The following TMEM132D variants were observed in gnomAD, a reference collection of about 807,000 sequenced individuals.
TMEM132D encodes mature OL transmembrane protein.
Under a neutral mutation model 62.3 loss-of-function variants are expected in TMEM132D, and 21 were observed. The observed-to-expected ratio is 0.34, with a 90% CI of 0.24 to 0.49. The LOEUF (loss-of-function observed/expected upper bound fraction) is 0.49. TMEM132D is among the 20% of genes least tolerant of loss of function. The pLI, the probability that TMEM132D is intolerant of heterozygous loss-of-function variation, is 0.99. For synonymous variants in TMEM132D, 621 were observed against 575.6 expected, an observed-to-expected ratio of 1.08 and a Z score of -1.13; for missense variants, 1,346 against 1,402.8, an observed-to-expected ratio of 0.96 and a Z score of 0.65.
At chr12:129,321,562 C>T (rs145285623) in intron 4 of TMEM132D, among the ~76,000 whole-genome samples, 1 of 145,854 alleles carries the variant, frequency 6.9e-6, no homozygotes, top group African/African-American at 2.5e-5. Context: ...CAGATCTTTT[C>T]TTTTTTTTTT....
At chr12:129,443,234 G>A (rs1872990894) in intron 3 of TMEM132D, among the ~76,000 whole-genome samples, 1 of 152,176 alleles carries the variant, frequency 6.6e-6, no homozygotes, top group African/African-American at 2.4e-5. Context: ...CTCAGAGCCT[G>A]CTTCCTGCGC....
intron 8 of TMEM132D, 145 bp downstream of exon 8, chr12:129,078,389 A>T: frequency 1.3e-6 from 1 of 742,724 alleles, no homozygotes. Context: ...CACCTGCTTC[A>T]GAAGAGCCCT....
intron 2 of TMEM132D, among the ~76,000 whole-genome samples, chr12:129,695,782 A>G (rs1881192281): frequency 6.6e-6 from 1 of 152,222 alleles, no homozygotes; most frequent in South Asian, 2.1e-4. Context: ...AACGAGAGGA[A>G]CTATTGAAGG....
At chr12:129,608,266 C>T (rs563932176) in intron 2 of TMEM132D, among the ~76,000 whole-genome samples, 1 of 152,152 alleles carries the variant, frequency 6.6e-6, no homozygotes, top group Non-Finnish European at 1.5e-5. Context: ...TATCAAAATA[C>T]CAACTTTTCT....
At chr12:129,398,415 C>A (rs1871496356) in intron 3 of TMEM132D, among the ~76,000 whole-genome samples, 1 of 152,184 alleles carries the variant, frequency 6.6e-6, no homozygotes, top group African/African-American at 2.4e-5. Context: ...GAGCTCTTCC[C>A]TGGGGCTCAC....
At chr12:129,606,607 C>A (rs562331820) in intron 2 of TMEM132D, among the ~76,000 whole-genome samples, 1 of 152,106 alleles carries the variant, frequency 6.6e-6, no homozygotes, top group African/African-American at 2.4e-5. Context: ...TCACTCCAAC[C>A]CCAATACAGG....
intron 2 of TMEM132D, among the ~76,000 whole-genome samples, chr12:129,677,308 C>G (rs1880654534): frequency 6.6e-6 from 1 of 152,168 alleles, no homozygotes; most frequent in Non-Finnish European, 1.5e-5. Flanking sequence ...CACAAGCTCT[C>G]TCTTTGTCTC....
intron 2 of TMEM132D, among the ~76,000 whole-genome samples, chr12:129,537,115 G>C (rs1593056498): frequency 7.4e-6 from 1 of 134,456 alleles, no homozygotes; most frequent in East Asian, 2.4e-4. Context: ...AGCCGAGATT[G>C]TGCCACTGCA....
chr12:129,665,199 G>A (rs975788605), intron 2 of TMEM132D, among the ~76,000 whole-genome samples: 6 of 151,428 alleles, frequency 4.0e-5, no homozygotes, highest in African/African-American at 1.5e-4. Flanking sequence ...GGAGCAGGTG[G>A]GGGGGGCATC....
At chr12:129,278,439 A>G (rs960987700) in intron 4 of TMEM132D, among the ~76,000 whole-genome samples, 1 of 152,186 alleles carries the variant, frequency 6.6e-6, no homozygotes, top group African/African-American at 2.4e-5. Context: ...TGGTTCAGAA[A>G]GAAGCCACCA....
rs768481651 is a variant in TMEM132D, at chr12:129,073,698, C to T, written c.*177G>A. 16 of 558,352 alleles carry T rather than the reference C, an allele frequency of 2.9e-5. No individual in the cohort carries two copies. Among genetic ancestry groups the T allele is most frequent in the South Asian group, 8.7e-5 (3 of 34,506 alleles). 34.6% of individuals were successfully genotyped at this position (558,352 alleles called of 1,614,324 possible). On this transcript the variant is annotated 3_prime_UTR_variant, in exon 9 of 9. Transcript: ENST00000422113. Reference sequence around the variant, plus strand: ...AAGACACTGTACTCTGGAATGTGTGCGTCGATGCGGACTCCAGGCCTCGCC... The same window carrying T: ...AAGACACTGTACTCTGGAATGTGTGTGTCGATGCGGACTCCAGGCCTCGCC...
intron 3 of TMEM132D, among the ~76,000 whole-genome samples, chr12:129,410,548 T>C (rs918885111): frequency 6.6e-6 from 1 of 151,892 alleles, no homozygotes; most frequent in African/African-American, 2.4e-5. Flanking sequence ...TTAGTACAGA[T>C]GGGGTTTCTC....
At chr12:129,583,271 T>C (rs142450482) in intron 2 of TMEM132D, among the ~76,000 whole-genome samples, 1 of 152,322 alleles carries the variant, frequency 6.6e-6, no homozygotes, top group African/African-American at 2.4e-5. Flanking sequence ...AACTTGATGG[T>C]CTAGAAATGG....
At chr12:129,793,602 G>C (rs11609434) in intron 1 of TMEM132D, among the ~76,000 whole-genome samples, 15,058 of 152,294 alleles carry the variant, frequency 0.099, 1,049 homozygotes, top group East Asian at 0.22. Flanking sequence ...CTGAGCTCAA[G>C]TGATCCACCC....
intron 1 of TMEM132D, among the ~76,000 whole-genome samples, chr12:129,719,105 A>C (rs1445710459): frequency 6.6e-6 from 1 of 150,516 alleles, no homozygotes; most frequent in African/African-American, 2.4e-5. Flanking sequence ...AAAAAGAAAA[A>C]AAGCTGGGTG....
chr12:129,201,064 T>C (rs1878691701), intron 5 of TMEM132D, among the ~76,000 whole-genome samples: 2 of 152,228 alleles, frequency 1.3e-5, no homozygotes, highest in Admixed American at 1.3e-4. Context: ...TGAAATGCTG[T>C]ATAATAAAGC....
At chr12:129,761,732 C>T (rs773584352) in intron 1 of TMEM132D, among the ~76,000 whole-genome samples, 36 of 152,164 alleles carry the variant, frequency 2.4e-4, no homozygotes, top group Non-Finnish European at 5.1e-4. Context: ...CCCAACAAGC[C>T]CTCCAATAAG....
At chr12:129,291,079 C>G (rs559707783) in intron 4 of TMEM132D, among the ~76,000 whole-genome samples, 5 of 152,148 alleles carry the variant, frequency 3.3e-5, no homozygotes, top group Admixed American at 6.5e-5. Context: ...AAGAGAGACA[C>G]CAAATGGAAT....
At chr12:129,546,475 C>T (rs1195884685) in intron 2 of TMEM132D, among the ~76,000 whole-genome samples, 2 of 152,052 alleles carry the variant, frequency 1.3e-5, no homozygotes, top group Non-Finnish European at 2.9e-5. Context: ...TCCTTTAGAG[C>T]ACGTATATTA....
Sources: allele counts gnomAD v4.1 joint callset (sites outside exome capture counted in the v4.1 genomes callset), GRCh38; gene constraint gnomAD v4.1.1; transcripts MANE v1.5; gene names NCBI Gene and HGNC (gene_info 2026-07-23, HGNC 2026-07-21).